Variants in KIF16B observed in about 807,000 individuals in gnomAD.
KIF16B encodes kinesin-like protein KIF16B.
KIF16B carries 98 observed loss-of-function variants against 156.3 expected under a neutral mutation model. That is an observed-to-expected ratio of 0.63 (90% CI 0.53 to 0.74). The LOEUF is 0.74. KIF16B is among the 30% of genes least tolerant of loss of function. The probability of loss-of-function intolerance (pLI) is 0.00; values close to 1 mark genes in which losing one functional copy is unlikely to be tolerated. For synonymous variants in KIF16B, 564 were observed against 583.7 expected (o/e 0.97, Z 0.49); for missense variants, 1,421 against 1,606.5 (o/e 0.88, Z 1.97).
At chr20:16,283,217 C>G (rs2063173227) in intron 25 of KIF16B, among the ~76,000 whole-genome samples, 1 of 152,226 alleles carries the variant, frequency 6.6e-6, no homozygotes. Flanking sequence ...AAAATTCCGG[C>G]TCCACCCCAT....
chr20:16,525,770 C>G (rs1219888955), intron 3 of KIF16B, among the ~76,000 whole-genome samples: 1 of 152,192 alleles, frequency 6.6e-6, no homozygotes, highest in Non-Finnish European at 1.5e-5. Context: ...TGCTTCGCAG[C>G]ATACACATGT....
At chr20:16,366,719 C>T in intron 22 of KIF16B, 1 of 440,536 alleles carries the variant, frequency 2.3e-6, no homozygotes, top group Non-Finnish European at 3.0e-6. Context: ...CAGCTGAAAC[C>T]AAGGATGTCA....
chr20:16,465,000 T>A (rs1406886829), intron 12 of KIF16B, among the ~76,000 whole-genome samples: 2 of 152,188 alleles, frequency 1.3e-5, no homozygotes, highest in African/African-American at 4.8e-5. Context: ...ATTCTTAGAA[T>A]GACCTTTGAT....
chr20:16,304,295 G>C (rs962696403), intron 25 of KIF16B, among the ~76,000 whole-genome samples: 2 of 152,112 alleles, frequency 1.3e-5, no homozygotes, highest in African/African-American at 4.8e-5. Context: ...CTCGCTCATT[G>C]GTGCATTCAT....
At chr20:16,332,622 A>G (rs2063967045) in intron 24 of KIF16B, among the ~76,000 whole-genome samples, 1 of 152,126 alleles carries the variant, frequency 6.6e-6, no homozygotes, top group South Asian at 2.1e-4. Context: ...CTTAGCTAAC[A>G]TTGAGATCCT....
chr20:16,555,798 T>G (rs1268000213), intron 1 of KIF16B, among the ~76,000 whole-genome samples: 2 of 151,938 alleles, frequency 1.3e-5, no homozygotes, highest in Non-Finnish European at 2.9e-5. Flanking sequence ...TTCTTCAAAA[T>G]CAAAACAGAA....
intron 17 of KIF16B, 62 bp from the exon 18 acceptor site, chr20:16,381,809 C>G: frequency 7.5e-7 from 1 of 1,336,260 alleles, no homozygotes; most frequent in Middle Eastern, 1.9e-4. Flanking sequence ...CTCTCTCACT[C>G]TCTGTATACA....
chr20:16,441,562 A>C (rs1313758048), intron 12 of KIF16B, among the ~76,000 whole-genome samples: 1 of 152,192 alleles, frequency 6.6e-6, no homozygotes, highest in African/African-American at 2.4e-5. Flanking sequence ...GAAATGTCAA[A>C]ATATCAAAAA....
chr20:16,517,019 T>C (rs1006073654), intron 3 of KIF16B, among the ~76,000 whole-genome samples: 1 of 152,136 alleles, frequency 6.6e-6, no homozygotes, highest in African/African-American at 2.4e-5. Flanking sequence ...AGTGCAGACA[T>C]ATGGAGACAA....
At chr20:16,408,164 T>C (rs1002669104) in intron 15 of KIF16B, among the ~76,000 whole-genome samples, 3 of 152,170 alleles carry the variant, frequency 2.0e-5, no homozygotes, top group African/African-American at 7.2e-5. Flanking sequence ...AAATTCAATA[T>C]GATTAAAACC....
intron 24 of KIF16B, among the ~76,000 whole-genome samples, chr20:16,322,000 C>G (rs1482330072): frequency 6.6e-6 from 1 of 151,958 alleles, no homozygotes; most frequent in Non-Finnish European, 1.5e-5. Context: ...AGCTTAACAA[C>G]AGCCCTATGG....
chr20:16,367,280 C>A, intron 22 of KIF16B: 2 of 1,612,864 alleles, frequency 1.2e-6, no homozygotes, highest in Middle Eastern at 3.3e-4. Context: ...ACATTTGGGG[C>A]TTCCTGAAGG....
At chr20:16,367,279 G>A in intron 22 of KIF16B, 1 of 1,612,856 alleles carries the variant, frequency 6.2e-7, no homozygotes. Flanking sequence ...GACATTTGGG[G>A]CTTCCTGAAG....
chr20:16,390,021 G>A (rs969336818), intron 17 of KIF16B, among the ~76,000 whole-genome samples: 5 of 152,154 alleles, frequency 3.3e-5, no homozygotes, highest in African/African-American at 1.2e-4. Context: ...ATTACAATTC[G>A]AGGGGTGTGT....
intron 12 of KIF16B, among the ~76,000 whole-genome samples, chr20:16,476,420 C>A (rs1272719091): frequency 6.6e-6 from 1 of 152,164 alleles, no homozygotes; most frequent in Non-Finnish European, 1.5e-5. Flanking sequence ...TAAATGCAAA[C>A]ATATCTTTAC....
rs1181344618 is a variant in KIF16B at position 16,339,681 on chromosome 20, T to C, written c.3622-3666A>G. On this transcript the variant is annotated intron_variant, in intron 23 of 25. Coordinates refer to ENST00000354981, the MANE Select transcript of KIF16B (RefSeq NM_024704.5). ...ATCTCAGTAAATGACAATGCTATTC[T>C]TCTCCCTGTTCCATGCAAAAACTCT... Among the ~76,000 whole-genome samples, 3 of 152,212 alleles carry C rather than the reference T, an allele frequency of 2.0e-5. No individual in the cohort carries two copies. The East Asian group carries it at 5.8e-4, about 29-fold the overall frequency.
chr20:16,382,814 G>A (rs1209342192), intron 17 of KIF16B, among the ~76,000 whole-genome samples: 2 of 151,588 alleles, frequency 1.3e-5, no homozygotes, highest in Admixed American at 1.3e-4. Flanking sequence ...TTGCGGTAGA[G>A]GGCAGATACA....
At chr20:16,504,694 A>G (rs2068723743) in intron 9 of KIF16B, 147 bp from the exon 10 acceptor site, 1 of 615,212 alleles carries the variant, frequency 1.6e-6, no homozygotes, top group Non-Finnish European at 2.8e-6. Flanking sequence ...ATGAAAAATT[A>G]TCTAACATTT....
chr20:16,532,892 C>T (rs1052565709), intron 1 of KIF16B, among the ~76,000 whole-genome samples: 1 of 152,142 alleles, frequency 6.6e-6, no homozygotes, highest in Admixed American at 6.5e-5. Context: ...CTCCATAACT[C>T]CCCATCTCAG....
Sources: allele counts gnomAD v4.1 joint callset (sites outside exome capture counted in the v4.1 genomes callset), GRCh38; gene constraint gnomAD v4.1.1; transcripts MANE v1.5; gene names NCBI Gene and HGNC (gene_info 2026-07-23, HGNC 2026-07-21).